Variants in PPP2R5E observed in about 807,000 individuals in gnomAD.
The protein encoded by PPP2R5E is serine/threonine-protein phosphatase 2A 56 kDa regulatory subunit epsilon isoform.
A neutral mutation model predicts 65.3 loss-of-function variants in PPP2R5E; 4 were observed. The ratio of observed to expected loss-of-function variants is 0.06; its 90% CI spans 0.03 to 0.14. The LOEUF is 0.14. Ranked by LOEUF, PPP2R5E falls within the 10% of genes least tolerant of loss-of-function variation. PPP2R5E has a pLI of 1.00. For missense variants in PPP2R5E, 274 were observed against 556.1 expected, an observed-to-expected ratio of 0.49 and a Z score of 5.10; for synonymous variants, 183 against 187.4, an observed-to-expected ratio of 0.98 and a Z score of 0.19.
intron 13 of PPP2R5E, among the ~76,000 whole-genome samples, 171 bp downstream of exon 13, chr14:63,381,885 A>T (rs1431758047): frequency 6.6e-6 from 1 of 152,242 alleles, no homozygotes; most frequent in Non-Finnish European, 1.5e-5. Context: ...ACACAATACA[A>T]TTGCCTAAGG....
intron 3 of PPP2R5E, among the ~76,000 whole-genome samples, chr14:63,430,948 A>C (rs1204664323): frequency 6.6e-6 from 1 of 152,196 alleles, no homozygotes; most frequent in Admixed American, 6.5e-5. Context: ...GAATTTAAGA[A>C]ACCATTCAAA....
rs140309588 is a variant in PPP2R5E at position 63,507,042 on chromosome 14, A to G, written c.157+32487T>C. Among the ~76,000 whole-genome samples, 1,287 of 152,306 alleles carry G rather than the reference A, an allele frequency of 8.5e-3. 16 individuals carry two copies. Among genetic ancestry groups the G allele is most frequent in the Middle Eastern group, 0.031 (9 of 294 alleles). On this transcript the variant is annotated intron_variant, in intron 2 of 13. Transcript: ENST00000337537. ...AAGTGATCCCCTACCTCAGCCTCCC[A>G]AAGTGCTGAGGTTACAGGTGTGAGC...
intron 3 of PPP2R5E, among the ~76,000 whole-genome samples, chr14:63,442,031 G>A (rs899142222): frequency 1.3e-5 from 2 of 152,036 alleles, no homozygotes; most frequent in South Asian, 4.1e-4. Flanking sequence ...TGTTAAATGA[G>A]CTTTAACTGG....
At chr14:63,441,802 CGG>C (rs1566705074) in intron 3 of PPP2R5E, among the ~76,000 whole-genome samples, 1 of 151,160 alleles carries the variant, frequency 6.6e-6, no homozygotes, top group African/African-American at 2.4e-5. Context: ...CCCAGCTACT[CGG>C]GAGGCTGAGG....
chr14:63,401,613 G>T (rs898408041), intron 5 of PPP2R5E, among the ~76,000 whole-genome samples: 2 of 152,146 alleles, frequency 1.3e-5, no homozygotes, highest in Non-Finnish European at 2.9e-5. Flanking sequence ...GGCTGTAAGG[G>T]TCTTCCAGCT....
intron 4 of PPP2R5E, 46 bp downstream of exon 4, chr14:63,421,947 T>G: frequency 1.4e-6 from 2 of 1,432,622 alleles, no homozygotes; most frequent in Non-Finnish European, 2.0e-6. Flanking sequence ...AATCAGCTAA[T>G]GAGTTAATGG....
intron 2 of PPP2R5E, among the ~76,000 whole-genome samples, chr14:63,534,876 TC>T (rs1181840610): frequency 6.6e-6 from 1 of 152,144 alleles, no homozygotes; most frequent in African/African-American, 2.4e-5. Context: ...CAACTCTGTC[TC>T]CCTATGTGCT....
chr14:63,438,654 G>A (rs1355192183), intron 3 of PPP2R5E, among the ~76,000 whole-genome samples: 1 of 152,198 alleles, frequency 6.6e-6, no homozygotes, highest in Non-Finnish European at 1.5e-5. Context: ...ACAATTTTAA[G>A]TATATTAAAA....
At chr14:63,497,767 C>CAA (rs151045786) in intron 2 of PPP2R5E, among the ~76,000 whole-genome samples, 300 of 149,516 alleles carry the variant, frequency 2.0e-3, no homozygotes, top group Non-Finnish European at 3.0e-3. Context: ...AACAAACAAA[C>CAA]AAAAAAAAAC....
rs79599676 is a variant in PPP2R5E, at chr14:63,443,152, A to G, written c.354+10537T>C. On this transcript the variant is annotated intron_variant, in intron 3 of 13. Transcript: ENST00000337537. ...CACTTAGATAACCAAGTGACAGGTT[A>G]TAATTTGAGAGTAGGAAAAAACAAA... is the stretch of plus-strand genomic sequence containing the variant. 1.6e-4 allele frequency among the ~76,000 whole-genome samples: 25 copies of G among 152,346 alleles called. No individual in the cohort carries two copies. The East Asian group carries it at 4.6e-3, about 28-fold the overall frequency.
At chr14:63,449,452 G>A (rs1594887752) in intron 3 of PPP2R5E, among the ~76,000 whole-genome samples, 1 of 152,054 alleles carries the variant, frequency 6.6e-6, no homozygotes, top group Non-Finnish European at 1.5e-5. Flanking sequence ...AAATATTGTC[G>A]CTAGTCCTCA....
intron 2 of PPP2R5E, among the ~76,000 whole-genome samples, chr14:63,507,192 T>C (rs1399443084): frequency 6.6e-6 from 1 of 152,188 alleles, no homozygotes; most frequent in Non-Finnish European, 1.5e-5. Flanking sequence ...TAAAGGACCA[T>C]CAGTGGGCCT....
chr14:63,484,638 G>T (rs1890892922), intron 2 of PPP2R5E, among the ~76,000 whole-genome samples: 1 of 152,100 alleles, frequency 6.6e-6, no homozygotes, highest in South Asian at 2.1e-4. Flanking sequence ...AAACCAAAGA[G>T]AAGTATTCTG....
chr14:63,455,739 A>G (rs746530762), intron 2 of PPP2R5E, among the ~76,000 whole-genome samples: 14 of 152,200 alleles, frequency 9.2e-5, no homozygotes, highest in Non-Finnish European at 1.5e-4. Context: ...GGACCATCAC[A>G]GTTAATTACT....
In PPP2R5E at chr14:63,511,627, A is replaced by G. The variant is rs80090148; in HGVS notation, c.157+27902T>C. On this transcript the variant is annotated intron_variant, in intron 2 of 13. Coordinates refer to ENST00000337537, the MANE Select transcript of PPP2R5E (RefSeq NM_006246.5). Reference sequence around the variant, plus strand: ...TGCAAGCCACCTAACAGCATTATATAAAAGGCAAAATTTCAATTCTAAAGT... The same window carrying G: ...TGCAAGCCACCTAACAGCATTATATGAAAGGCAAAATTTCAATTCTAAAGT... Among the ~76,000 whole-genome samples the G allele has an allele frequency of 9.1e-4, 139 of 152,360 alleles. 2 individuals carry two copies. In the East Asian group the frequency reaches 0.021, roughly 23 times the overall value.
At chr14:63,435,528 A>G (rs1355339329) in intron 3 of PPP2R5E, among the ~76,000 whole-genome samples, 2 of 152,200 alleles carry the variant, frequency 1.3e-5, no homozygotes, top group Non-Finnish European at 2.9e-5. Context: ...GACTTTCTTC[A>G]TAGGGTCTGG....
At chr14:63,404,552 T>C (rs1305328504) in intron 5 of PPP2R5E, among the ~76,000 whole-genome samples, 1 of 152,122 alleles carries the variant, frequency 6.6e-6, no homozygotes, top group Non-Finnish European at 1.5e-5. Context: ...CTGTATAAAA[T>C]GAAGCAACCT....
At chr14:63,443,968 A>G (rs1888356748) in intron 3 of PPP2R5E, among the ~76,000 whole-genome samples, 1 of 152,092 alleles carries the variant, frequency 6.6e-6, no homozygotes, top group Non-Finnish European at 1.5e-5. Context: ...CAGTCTCCTA[A>G]TTGATTCCTC....
intron 2 of PPP2R5E, among the ~76,000 whole-genome samples, chr14:63,455,768 A>T (rs940803928): frequency 6.6e-6 from 1 of 152,212 alleles, no homozygotes; most frequent in South Asian, 2.1e-4. Context: ...TCGAGATCGA[A>T]ATCAGACCCC....
Sources: allele counts gnomAD v4.1 joint callset (sites outside exome capture counted in the v4.1 genomes callset), GRCh38; gene constraint gnomAD v4.1.1; transcripts MANE v1.5; gene names NCBI Gene and HGNC (gene_info 2026-07-23, HGNC 2026-07-21).